Variants in SOX5 observed in about 807,000 individuals in gnomAD.
SOX5 encodes SRY-box transcription factor 5, also known as transcription factor SOX-5.
A neutral mutation model predicts 92.0 loss-of-function variants in SOX5; 9 were observed. The observed-to-expected ratio is 0.10, with a 90% CI of 0.06 to 0.17. The LOEUF is 0.17. Among genes scored for constraint, SOX5 ranks in the 10% least tolerant of loss-of-function variants. The pLI is 1.00. For synonymous variants in SOX5, 344 were observed against 336.3 expected (o/e 1.02, Z -0.25); for missense variants, 642 against 944.5 (o/e 0.68, Z 4.20).
intron 6 of SOX5, among the ~76,000 whole-genome samples, chr12:23,678,497 A>G (rs1300250578): frequency 6.6e-6 from 1 of 152,154 alleles, no homozygotes; most frequent in Non-Finnish European, 1.5e-5. Flanking sequence ...CTAATTTTAT[A>G]TAGACATTTT....
At chr12:24,348,049 C>CAAAACA (rs1953542386) in intron 2 of SOX5, among the ~76,000 whole-genome samples, 1 of 72,722 alleles carries the variant, frequency 1.4e-5, no homozygotes, top group African/African-American at 4.7e-5. Flanking sequence ...TACAGCTAAT[C>CAAAACA]AAAAAAAAAA....
intron 1 of SOX5, among the ~76,000 whole-genome samples, chr12:24,506,806 T>TTTTG (rs1566337973): frequency 1.4e-5 from 2 of 138,314 alleles, no homozygotes; most frequent in South Asian, 2.3e-4. Flanking sequence ...TTTTTTTTTT[T>TTTTG]GGAGACGGGA....
chr12:24,335,097 G>T (rs983718770), intron 2 of SOX5, among the ~76,000 whole-genome samples: 1 of 151,884 alleles, frequency 6.6e-6, no homozygotes, highest in African/African-American at 2.4e-5. Flanking sequence ...TTAAATCTTA[G>T]CTTTTTTGTC....
intron 4 of SOX5, among the ~76,000 whole-genome samples, chr12:23,956,894 CCTCAGGTGATCTG>C (rs1469698995): frequency 1.3e-5 from 2 of 152,116 alleles, no homozygotes; most frequent in African/African-American, 2.4e-5. Context: ...GAACTCCTGA[CCTCAGGTGATCTG>C]CCCAGCTTGG....
At chr12:23,899,925 C>T (rs915147275) in intron 1 of SOX5, among the ~76,000 whole-genome samples, 2 of 152,074 alleles carry the variant, frequency 1.3e-5, no homozygotes, top group Non-Finnish European at 2.9e-5. Context: ...GATCAAATGA[C>T]ATTATAGCTA....
At chr12:24,441,534 A>C (rs2137191710) in intron 1 of SOX5, among the ~76,000 whole-genome samples, 1 of 152,230 alleles carries the variant, frequency 6.6e-6, no homozygotes, top group Non-Finnish European at 1.5e-5. Context: ...ACCTTTTACA[A>C]CCAAAGTGTT....
chr12:24,526,408 T>C (rs1026446244), intron 1 of SOX5, among the ~76,000 whole-genome samples: 3 of 152,060 alleles, frequency 2.0e-5, no homozygotes, highest in African/African-American at 4.8e-5. Context: ...CCAGTACACA[T>C]GGAAAACTCA....
At chr12:24,390,851 C>G (rs1309342479) in intron 1 of SOX5, among the ~76,000 whole-genome samples, 6 of 152,064 alleles carry the variant, frequency 3.9e-5, no homozygotes, top group Non-Finnish European at 7.4e-5. Context: ...TAGGCTGATT[C>G]TATATCTTTG....
At chr12:23,961,131 T>TA (rs1946884069) in intron 4 of SOX5, among the ~76,000 whole-genome samples, 1 of 152,184 alleles carries the variant, frequency 6.6e-6, no homozygotes, top group South Asian at 2.1e-4. Flanking sequence ...TTTTTATTAT[T>TA]AAAAAATTAT....
chr12:24,476,400 T>C (rs1272475292), intron 1 of SOX5, among the ~76,000 whole-genome samples: 2 of 152,092 alleles, frequency 1.3e-5, no homozygotes, highest in African/African-American at 4.8e-5. Context: ...TCATGTAGAG[T>C]ACTGCTGCTC....
chr12:24,111,865 G>A (rs1414709937), intron 4 of SOX5, among the ~76,000 whole-genome samples: 4 of 151,802 alleles, frequency 2.6e-5, no homozygotes, highest in African/African-American at 9.7e-5. Context: ...ATTATTTTAG[G>A]TTAATTTATT....
intron 3 of SOX5, among the ~76,000 whole-genome samples, chr12:24,217,188 G>A (rs2139750186): frequency 6.6e-6 from 1 of 152,250 alleles, no homozygotes; most frequent in Admixed American, 6.5e-5. Flanking sequence ...GGGGTTCTTA[G>A]GAACTCCCAA....
Position 24,369,676 on chromosome 12 carries a change from T to C in SOX5, c.-250-1037A>G, listed in dbSNP as rs576710646. 7.2e-5 allele frequency among the ~76,000 whole-genome samples: 11 copies of C among 152,348 alleles called. No homozygotes were observed. In the South Asian group the frequency reaches 2.3e-3, roughly 32 times the overall value. On this transcript the variant is annotated intron_variant, in intron 1 of 4. Coordinates refer to the SOX5 transcript ENST00000446891. ...TAACTGTGAGTATAACAGCTTTCAATGCATTCTGAGTCTTTCAAGCAAATT... is the reference window on the plus strand; with the variant it reads ...TAACTGTGAGTATAACAGCTTTCAACGCATTCTGAGTCTTTCAAGCAAATT...
intron 8 of SOX5, among the ~76,000 whole-genome samples, chr12:23,615,534 T>C (rs2076453691): frequency 6.6e-6 from 1 of 152,172 alleles, no homozygotes. Flanking sequence ...CAGTGACTCT[T>C]GTTCCCCTCT....
At chr12:24,077,800 T>TATATATAC (rs1942831700) in intron 4 of SOX5, among the ~76,000 whole-genome samples, 1 of 143,286 alleles carries the variant, frequency 7.0e-6, no homozygotes, top group Non-Finnish European at 1.5e-5. Flanking sequence ...TATATATATA[T>TATATATAC]ATATATGCAG....
rs548179713 is a variant in SOX5, at chr12:24,143,069, G to A, written c.-2+70274C>T. On this transcript the variant is annotated intron_variant, in intron 4 of 4. Coordinates refer to the SOX5 transcript ENST00000446891. The stretch of plus-strand genomic sequence containing the variant: ...ATGCTGGAAAAACAAACAATTCACA[G>A]AACTATGTTAGAGAATTCAAAAGTG... Among the ~76,000 whole-genome samples the A allele has an allele frequency of 3.9e-5, 6 of 152,272 alleles. No homozygotes were observed. The South Asian group carries it at 1.2e-3, about 32-fold the overall frequency.
intron 3 of SOX5, among the ~76,000 whole-genome samples, chr12:23,822,431 G>A (rs1260704804): frequency 6.6e-6 from 1 of 152,176 alleles, no homozygotes; most frequent in Non-Finnish European, 1.5e-5. Flanking sequence ...TAGTTGTGTG[G>A]TTTTGAGTGA....
intron 1 of SOX5, among the ~76,000 whole-genome samples, chr12:24,412,327 T>C (rs1171429836): frequency 6.6e-6 from 1 of 151,978 alleles, no homozygotes; most frequent in Non-Finnish European, 1.5e-5. Context: ...CTGCTTGCTT[T>C]GGATACTTAC....
At chr12:24,518,240 T>C (rs1454239043) in intron 1 of SOX5, among the ~76,000 whole-genome samples, 1 of 151,972 alleles carries the variant, frequency 6.6e-6, no homozygotes, top group African/African-American at 2.4e-5. Flanking sequence ...GGCTAATTTT[T>C]GTATTTTTAG....
Sources: gnomAD v4.1 joint callset for allele counts (sites outside exome capture counted in the v4.1 genomes callset) on GRCh38, gnomAD v4.1.1 for gene constraint, MANE v1.5 for transcripts, NCBI Gene and HGNC (gene_info 2026-07-23, HGNC 2026-07-21) for gene names.